METAP1D: variants seen among roughly 807,000 people sequenced by gnomAD.
METAP1D encodes the protein methionine aminopeptidase 1D, mitochondrial.
METAP1D carries 31 observed loss-of-function variants against 40.5 expected under a neutral mutation model. The observed-to-expected ratio is 0.77, with a 90% CI of 0.58 to 1.03. The LOEUF is 1.03. Among genes scored for constraint, METAP1D ranks in the 50% least tolerant of loss-of-function variants. METAP1D has a pLI of 0.00. For synonymous variants in METAP1D, 151 were observed against 146.4 expected (o/e 1.03, Z -0.22); for missense variants, 411 against 420.7 (o/e 0.98, Z 0.20).
intron 6 of METAP1D, among the ~76,000 whole-genome samples, chr2:172,076,640 T>C (rs1019282199): frequency 6.6e-6 from 1 of 152,254 alleles, no homozygotes; most frequent in Non-Finnish European, 1.5e-5. Context: ...CAGGTCTAAG[T>C]GAAGCTGTCT....
chr2:172,074,138 T>G (rs1465422981), intron 6 of METAP1D, among the ~76,000 whole-genome samples: 2 of 152,206 alleles, frequency 1.3e-5, no homozygotes, highest in African/African-American at 4.8e-5. Flanking sequence ...TTTTTATAAT[T>G]ATCTCTAGAT....
At chr2:172,024,431 C>T (rs182103001) in intron 1 of METAP1D, among the ~76,000 whole-genome samples, 33 of 152,046 alleles carry the variant, frequency 2.2e-4, no homozygotes, top group Non-Finnish European at 7.4e-5. Context: ...GCATGGAGGC[C>T]CAGGGGGTCT....
chr2:172,065,352 A>T lies in METAP1D; in HGVS notation c.349-252A>T, dbSNP rs1030337617. 2.6e-5 allele frequency among the ~76,000 whole-genome samples: 4 copies of T among 152,184 alleles called. No homozygotes were observed. The South Asian group carries it at 8.3e-4, about 31-fold the overall frequency. On this transcript the variant is annotated intron_variant, in intron 3 of 9. Coordinates refer to ENST00000315796, the MANE Select transcript of METAP1D (RefSeq NM_199227.3). The stretch of plus-strand genomic sequence containing the variant: ...TATGTCATTTAATGACTCACAAATG[A>T]TTTAGAGGATCGTAGGGTTTAACAT...
At chr2:172,015,229 T>C (rs1446366061) in intron 1 of METAP1D, among the ~76,000 whole-genome samples, 2 of 151,952 alleles carry the variant, frequency 1.3e-5, no homozygotes, top group African/African-American at 2.4e-5. Flanking sequence ...TGGCCAAAAA[T>C]GGCGAAACCT....
In METAP1D at chr2:172,081,341, T is replaced by C. The variant is rs1211999085; in HGVS notation, c.*935T>C. The C allele has an allele frequency of 1.3e-5, 2 of 152,388 alleles. No individual in the cohort carries two copies. The highest frequency in any genetic ancestry group is 2.9e-5 in the Non-Finnish European group (2 of 68,174). The allele number at this position is 152,388 out of a possible 1,614,324, so 9.4% of individuals were successfully genotyped here. On this transcript the variant is annotated 3_prime_UTR_variant, in exon 10 of 10. Transcript: ENST00000315796. The stretch of plus-strand genomic sequence containing the variant: ...CGCATCGGGACCCGCGCTTGCACGC[T>C]GCAGGAGCCGCAAACGTCAGCTGTT...
intron 7 of METAP1D, 67 bp downstream of exon 7, chr2:172,077,961 G>T: frequency 2.4e-6 from 2 of 828,656 alleles, no homozygotes; most frequent in South Asian, 3.0e-5. Flanking sequence ...TGACCCTGAA[G>T]CTCTTCCTCT....
intron 1 of METAP1D, among the ~76,000 whole-genome samples, chr2:172,053,314 T>C (rs1369257147): frequency 6.6e-6 from 1 of 152,244 alleles, no homozygotes; most frequent in Non-Finnish European, 1.5e-5. Context: ...CCCGAAAATA[T>C]ATTCCTATGC....
At position 172,077,874 on chromosome 2, in the gene METAP1D, A is replaced by G. The variant is rs773391983; in HGVS notation, c.782A>G (p.His261Arg). 1.2e-6 allele frequency: 2 copies of G among 1,607,702 alleles called. No homozygotes were observed. Among genetic ancestry groups the G allele is most frequent in the East Asian group, 4.5e-5 (2 of 44,798 alleles). The change falls in exon 7 of 10, where the codon CAT becomes CGT. Residue 261 changes from histidine to arginine, a missense_variant. By Grantham distance (29) the His-to-Arg change is conservative (BLOSUM62 0). Transcript: ENST00000315796. ...GGAATAGGATCTTACTTTCATGGAC[A>G]TCCAGAAATTTGGCATCATGGTAAG... The part of the protein sequence containing the change: ...GHGIGSYFHG[H>R]PEIWHHANDS...
chr2:172,016,493 C>T lies in METAP1D; in HGVS notation c.40+16484C>T, dbSNP rs1688868927. On this transcript the variant is annotated intron_variant, in intron 1 of 9. Transcript: ENST00000315796. ...AAAATTAGCTGGACGTGGTGGTGTG[C>T]ACCTGTAATCCCAGCTACTTGGGAG... Among the ~76,000 whole-genome samples, 4 of 148,020 alleles carry T rather than the reference C, an allele frequency of 2.7e-5. No homozygotes were observed. In the South Asian group the frequency reaches 8.6e-4, roughly 32 times the overall value.
intron 6 of METAP1D, among the ~76,000 whole-genome samples, chr2:172,073,066 C>T (rs1051988553): frequency 3.9e-5 from 6 of 152,082 alleles, no homozygotes; most frequent in Non-Finnish European, 5.9e-5. Flanking sequence ...ATGGAGCTCC[C>T]GCCTACTACT....
chr2:172,039,980 T>G (rs72892859), intron 1 of METAP1D, among the ~76,000 whole-genome samples: 7 of 134,112 alleles, frequency 5.2e-5, no homozygotes, highest in Non-Finnish European at 9.6e-5. Flanking sequence ...CAGCCAAAAC[T>G]TTTTTTTGTT....
chr2:172,016,324 T>G (rs1688862973), intron 1 of METAP1D, among the ~76,000 whole-genome samples: 1 of 101,172 alleles, frequency 9.9e-6, no homozygotes, highest in African/African-American at 3.7e-5. Context: ...TATATATATA[T>G]ATATATAAAT....
Position 172,077,878 on chromosome 2 carries a change from A to T in METAP1D, c.786A>T (p.Pro262=). ...TAGGATCTTACTTTCATGGACATCC[A>T]GAAATTTGGCATCATGGTAAGAAAG... The part of the protein sequence containing the change: ...HGIGSYFHGH[P]EIWHHANDSD... The change falls in exon 7 of 10, where the codon CCA becomes CCT. Residue 262 remains proline, a synonymous_variant. Coordinates refer to ENST00000315796, the MANE Select transcript of METAP1D (RefSeq NM_199227.3). The T allele has an allele frequency of 6.2e-7, 1 of 1,605,388 alleles. No individual in the cohort carries two copies. Among genetic ancestry groups the T allele is most frequent in the South Asian group, 1.1e-5 (1 of 90,464 alleles).
At chr2:172,051,273 C>T (rs1434237490) in intron 1 of METAP1D, among the ~76,000 whole-genome samples, 2 of 151,812 alleles carry the variant, frequency 1.3e-5, no homozygotes, top group East Asian at 1.9e-4. Context: ...ATTTTTTTTC[C>T]TAGACTCACA....
In METAP1D at chr2:172,024,976, T is replaced by C. The variant is rs1241169937; in HGVS notation, c.40+24967T>C. On this transcript the variant is annotated intron_variant, in intron 1 of 9. Transcript: ENST00000315796. ...TCCTTCAGGGTCTCATAGTGAACTC[T>C]GGCCAGTTAATTTATCTCCAAACTT... Among the ~76,000 whole-genome samples the C allele has an allele frequency of 2.0e-5, 3 of 152,322 alleles. No individual in the cohort carries two copies. The East Asian group carries it at 5.8e-4, about 29-fold the overall frequency.
At chr2:172,040,146 C>T (rs1054763505) in intron 1 of METAP1D, among the ~76,000 whole-genome samples, 3 of 151,360 alleles carry the variant, frequency 2.0e-5, no homozygotes, top group Non-Finnish European at 4.4e-5. Context: ...TCAGTAGAGA[C>T]GGGGTTTCAC....
rs149027569 is a variant in METAP1D, at chr2:172,051,971, T to A, written c.41-9527T>A. Among the ~76,000 whole-genome samples, 1,340 of 152,380 alleles carry A rather than the reference T, an allele frequency of 8.8e-3. 12 individuals carry two copies. The highest frequency in any genetic ancestry group is 0.034 in the Middle Eastern group (10 of 294). ...ATATTGCACACATTTCCTTTTTATT[T>A]CTGTGGGATCTTTGTTACTGTTTTA... On this transcript the variant is annotated intron_variant, in intron 1 of 9. Transcript: ENST00000315796.
At chr2:172,063,584 T>C (rs1362025030) in intron 2 of METAP1D, 127 bp from the exon 3 acceptor site, 2 of 733,484 alleles carry the variant, frequency 2.7e-6, no homozygotes, top group South Asian at 1.6e-5. Context: ...TCTGTTGTGC[T>C]GGCTTCGGAG....
intron 1 of METAP1D, among the ~76,000 whole-genome samples, chr2:172,060,061 A>C (rs1281468609): frequency 6.6e-6 from 1 of 152,060 alleles, no homozygotes; most frequent in East Asian, 1.9e-4. Flanking sequence ...AAAAAAAAGA[A>C]ACCAAAAAAC....
Sources: gnomAD v4.1 joint callset for allele counts (sites outside exome capture counted in the v4.1 genomes callset) on GRCh38, gnomAD v4.1.1 for gene constraint, MANE v1.5 for transcripts, NCBI Gene and HGNC (gene_info 2026-07-23, HGNC 2026-07-21) for gene names.